Variants in FNBP4 observed in about 807,000 individuals in gnomAD.
The protein encoded by FNBP4 is formin-binding protein 4.
In FNBP4, 34 loss-of-function variants were observed where a neutral mutation model predicts 119.3. The observed-to-expected ratio is 0.28, with a 90% CI of 0.22 to 0.38. The LOEUF is 0.38. FNBP4 is among the 10% of genes least tolerant of loss of function. The pLI, the probability that FNBP4 is intolerant of heterozygous loss-of-function variation, is 1.00. For synonymous variants in FNBP4, 462 were observed against 430.6 expected (o/e 1.07, Z -0.90); for missense variants, 1,112 against 1,228.9 (o/e 0.90, Z 1.42).
In FNBP4 at chr11:47,723,331, A is replaced by G. The variant is rs2097557825; in HGVS notation, c.2465-15T>C. Reference sequence around the variant, plus strand: ...TGCCTGGTGACCTAACACAGAAAACATAAAATGATACTATAAAAAGGACAT... The same window carrying G: ...TGCCTGGTGACCTAACACAGAAAACGTAAAATGATACTATAAAAAGGACAT... On this transcript the variant is annotated splice_polypyrimidine_tract_variant and intron_variant, in intron 14 of 16. Coordinates refer to ENST00000263773, the MANE Select transcript of FNBP4 (RefSeq NM_015308.5). 1.3e-6 allele frequency: 2 copies of G among 1,582,764 alleles called. No individual in the cohort carries two copies. Among genetic ancestry groups the G allele is most frequent in the African/African-American group, 1.3e-5 (1 of 74,178 alleles).
chr11:47,746,670 A>G (rs2097591005), intron 6 of FNBP4, among the ~76,000 whole-genome samples: 1 of 151,944 alleles, frequency 6.6e-6, no homozygotes. Flanking sequence ...GCCCGCCACC[A>G]TGCCCAGCTA....
intron 2 of FNBP4, among the ~76,000 whole-genome samples, chr11:47,755,930 A>G (rs559613457): frequency 6.6e-5 from 10 of 152,358 alleles, no homozygotes; most frequent in African/African-American, 1.9e-4. Flanking sequence ...TTTGGTGATT[A>G]AAGTGTTTAC....
chr11:47,729,780 G>A, intron 12 of FNBP4: 15 of 985,420 alleles, frequency 1.5e-5, no homozygotes, highest in Non-Finnish European at 1.8e-5. Flanking sequence ...AGCTGATTAA[G>A]AGCTCTCTTT....
At chr11:47,759,901 C>T (rs1197170376) in intron 2 of FNBP4, among the ~76,000 whole-genome samples, 1 of 152,044 alleles carries the variant, frequency 6.6e-6, no homozygotes. Context: ...TACAGTGAGC[C>T]GAGGCTGTGC....
chr11:47,740,872 G>A (rs2097581029), intron 8 of FNBP4, among the ~76,000 whole-genome samples: 3 of 151,282 alleles, frequency 2.0e-5, no homozygotes, highest in East Asian at 1.9e-4. Context: ...TTACAGGCAT[G>A]AGCCACTGCA....
chr11:47,762,888 C>T, intron 2 of FNBP4, among the ~76,000 whole-genome samples: 1 of 121,532 alleles, frequency 8.2e-6, no homozygotes. Flanking sequence ...CCAGCCTGGG[C>T]AACAGAGACT....
At chr11:47,742,758 C>T (rs372126897) in intron 8 of FNBP4, among the ~76,000 whole-genome samples, 1 of 151,842 alleles carries the variant, frequency 6.6e-6, no homozygotes, top group East Asian at 2.0e-4. Flanking sequence ...GGCGTGGTGA[C>T]GGGCGCCTGT....
chr11:47,722,545 T>C (rs2097557030), intron 15 of FNBP4, among the ~76,000 whole-genome samples: 1 of 152,242 alleles, frequency 6.6e-6, no homozygotes, highest in African/African-American at 2.4e-5. Flanking sequence ...CAAACAGATT[T>C]CTTAAATAAG....
chr11:47,724,717 A>G lies in FNBP4; in HGVS notation c.2070T>C (p.Thr690=), dbSNP rs778733556. The change falls in exon 13 of 17, where the codon ACT becomes ACC. Residue 690 remains threonine (T), a synonymous_variant. Coordinates refer to ENST00000263773, the MANE Select transcript of FNBP4 (RefSeq NM_015308.5). ...TTGACTGAAGGAGGGTCCAGAATGG[A>G]GTAAGTGGCATGAGTGATGAAGAAG... is the stretch of plus-strand genomic sequence containing the variant. ...QVSSSSLMPL[T]PFWTLLQSNV... is the part of the protein sequence containing the mutation. 1.3e-5 allele frequency: 21 copies of G among 1,608,380 alleles called. No individual in the cohort carries two copies. The highest frequency in any genetic ancestry group is 1.8e-5 in the Non-Finnish European group (21 of 1,176,232).
At chr11:47,743,876 A>T in intron 8 of FNBP4, 77 bp downstream of exon 8, 1 of 1,330,402 alleles carries the variant, frequency 7.5e-7, no homozygotes, top group Non-Finnish European at 1.1e-6. Context: ...TTTGTTGAAG[A>T]GGAAACAAAA....
Position 47,724,163 on chromosome 11 carries a change from C to T in FNBP4, c.2329G>A (p.Asp777Asn). 1 of 1,614,014 alleles carries T rather than the reference C, an allele frequency of 6.2e-7. No individual in the cohort carries two copies. Among genetic ancestry groups the T allele is most frequent in the Non-Finnish European group, 8.5e-7 (1 of 1,179,982 alleles). The change falls in exon 14 of 17, where the codon GAT becomes AAT. Residue 777 changes from aspartate (D) to asparagine (N), a missense_variant. Transcript: ENST00000263773. ...GAAGAAGAACTAGAGATGGTGGAAT[C>T]AACTGAACTCTGAAACACAAACATT... is the stretch of plus-strand genomic sequence containing the variant. Reference protein sequence around the residue: ...TTVVTSQSSVDSTISSSSSTK... With the variant: ...TTVVTSQSSVNSTISSSSSTK...
At chr11:47,718,851 C>T (rs2097552252) in intron 16 of FNBP4, among the ~76,000 whole-genome samples, 1 of 150,746 alleles carries the variant, frequency 6.6e-6, no homozygotes, top group Admixed American at 6.6e-5. Context: ...CTTCTTGCCT[C>T]AGCCTCCCAA....
At chr11:47,742,953 C>G (rs2097584337) in intron 8 of FNBP4, among the ~76,000 whole-genome samples, 1 of 151,728 alleles carries the variant, frequency 6.6e-6, no homozygotes, top group Non-Finnish European at 1.5e-5. Context: ...TATTTAACAC[C>G]TGTATTGTTG....
chr11:47,739,780 TCTC>T (rs2097579189), intron 8 of FNBP4, among the ~76,000 whole-genome samples: 1 of 152,072 alleles, frequency 6.6e-6, no homozygotes, highest in Non-Finnish European at 1.5e-5. Context: ...GTAAAATCTG[TCTC>T]CTTTTTCTTT....
chr11:47,740,059 C>T (rs1276278535), intron 8 of FNBP4, among the ~76,000 whole-genome samples: 3 of 151,974 alleles, frequency 2.0e-5, no homozygotes, highest in Non-Finnish European at 4.4e-5. Context: ...CTCGGTCTCC[C>T]AAAGTGCTTG....
chr11:47,754,885 G>A (rs1166040618), intron 2 of FNBP4, among the ~76,000 whole-genome samples: 5 of 152,060 alleles, frequency 3.3e-5, no homozygotes, highest in South Asian at 2.1e-4. Flanking sequence ...CTCAACGCCT[G>A]TAATCCCAGC....
At chr11:47,745,315 C>T (rs1018923039) in intron 7 of FNBP4, among the ~76,000 whole-genome samples, 2 of 152,066 alleles carry the variant, frequency 1.3e-5, no homozygotes, top group African/African-American at 2.4e-5. Flanking sequence ...GGGAAGATAT[C>T]GCTAAATTCT....
chr11:47,753,453 A>C (rs2097608583), intron 3 of FNBP4, among the ~76,000 whole-genome samples: 1 of 152,156 alleles, frequency 6.6e-6, no homozygotes, highest in Admixed American at 6.6e-5. Context: ...TCTACTAAAA[A>C]TACAAAAATT....
rs759917073 is a variant in FNBP4, at chr11:47,731,411, A to C, written c.1971T>G (p.Thr657=). 73 of 1,613,532 alleles carry C rather than the reference A, an allele frequency of 4.5e-5. No homozygotes were observed. The highest frequency in any genetic ancestry group is 5.8e-5 in the Non-Finnish European group (68 of 1,179,864). The change falls in exon 12 of 17, where the codon ACT becomes ACG. Residue 657 remains threonine (T), a synonymous_variant. Transcript: ENST00000263773. ...CAGAGGATTCTGTTGAATTTGAATC[A>C]GTGCCAGTTTTGTCTTTCAAGGTCT... is the stretch of plus-strand genomic sequence containing the variant. ...AKQTLKDKTG[T]DSNSTESSET... is the part of the protein sequence containing the mutation.
Sources: gnomAD v4.1 joint callset for allele counts (sites outside exome capture counted in the v4.1 genomes callset) on GRCh38, gnomAD v4.1.1 for gene constraint, MANE v1.5 for transcripts, NCBI Gene and HGNC (gene_info 2026-07-23, HGNC 2026-07-21) for gene names.